Variants in SCARB2 observed in about 807,000 individuals in gnomAD.
The protein encoded by SCARB2 is scavenger receptor class B member 2, also known as lysosome membrane protein 2.
Under a neutral mutation model 58.6 loss-of-function variants are expected in SCARB2, and 29 were observed. The observed-to-expected ratio is 0.49, with a 90% CI of 0.37 to 0.67. SCARB2 has a LOEUF of 0.67. Among genes scored for constraint, SCARB2 ranks in the 30% least tolerant of loss-of-function variants. The pLI is 0.00. For synonymous variants in SCARB2, 195 were observed against 210.1 expected (o/e 0.93, Z 0.62); for missense variants, 488 against 578.5 (o/e 0.84, Z 1.60).
At chr4:76,177,087 A>C (rs984127403) in intron 4 of SCARB2, 2 of 152,322 alleles carry the variant, frequency 1.3e-5, no homozygotes, top group African/African-American at 4.8e-5. Flanking sequence ...TAACTGCTAC[A>C]CAAGACTGAA....
At chr4:76,176,606 T>A in intron 4 of SCARB2, 78 bp from the exon 5 acceptor site, 1 of 974,542 alleles carries the variant, frequency 1.0e-6, no homozygotes, top group Non-Finnish European at 1.6e-6. Context: ...GGTGCCCAGT[T>A]GTTTGGTCAA....
chr4:76,213,563 C>T lies in SCARB2; in HGVS notation c.-20G>A. 3 of 1,581,882 alleles carry T rather than the reference C, an allele frequency of 1.9e-6. No homozygotes were observed. Among genetic ancestry groups the T allele is most frequent in the Non-Finnish European group, 2.6e-6 (3 of 1,159,732 alleles). On this transcript the variant is annotated 5_prime_UTR_variant, in exon 1 of 12. Transcript: ENST00000264896. Reference sequence around the variant, plus strand: ...GCCCATTCTGTGCGCCGCTCACGGGCCGGGCCGGGCCGCACCCGCCAGGGA... The same window carrying T: ...GCCCATTCTGTGCGCCGCTCACGGGTCGGGCCGGGCCGCACCCGCCAGGGA...
At chr4:76,200,886 G>T (rs1732815743) in intron 1 of SCARB2, among the ~76,000 whole-genome samples, 1 of 152,126 alleles carries the variant, frequency 6.6e-6, no homozygotes, top group African/African-American at 2.4e-5. Flanking sequence ...TGACAATACT[G>T]TATGTAGGCT....
upstream of SCARB2, among the ~76,000 whole-genome samples, chr4:76,216,635 A>G (rs2109977060): frequency 1.3e-5 from 2 of 152,336 alleles, no homozygotes; most frequent in South Asian, 2.1e-4. Flanking sequence ...TTTCTAAACA[A>G]GGGTTTACAG....
At chr4:76,164,175 A>G (rs1208508141) in intron 10 of SCARB2, 1 of 152,264 alleles carries the variant, frequency 6.6e-6, no homozygotes, top group Non-Finnish European at 1.5e-5. Flanking sequence ...TTAATTCCAT[A>G]GAAATAATGA....
chr4:76,206,440 A>G (rs182060563), intron 1 of SCARB2, among the ~76,000 whole-genome samples: 130 of 152,248 alleles, frequency 8.5e-4, no homozygotes, highest in Admixed American at 3.7e-3. Context: ...AATCTGGACC[A>G]ATACGTGAAG....
chr4:76,164,972 A>G (rs1318868461), intron 10 of SCARB2: 1 of 152,024 alleles, frequency 6.6e-6, no homozygotes, highest in Admixed American at 6.5e-5. Context: ...TTTCTAGAGA[A>G]GAGAATAATC....
At chr4:76,164,391 G>C (rs1731958677) in intron 10 of SCARB2, 1 of 152,304 alleles carries the variant, frequency 6.6e-6, no homozygotes, top group African/African-American at 2.4e-5. Flanking sequence ...GCTCATGACT[G>C]TAATCCCAGC....
rs1731888039 is a variant in SCARB2 at position 76,161,069 on chromosome 4, G to A, written c.*644C>T. On this transcript the variant is annotated 3_prime_UTR_variant, in exon 12 of 12. Transcript: ENST00000264896. ...TAGGAGCTTATCACTATCAACTCATGGGTATTGCCCCACCCAACCCCTTTC... is the reference window on the plus strand; with the variant it reads ...TAGGAGCTTATCACTATCAACTCATAGGTATTGCCCCACCCAACCCCTTTC... The A allele has an allele frequency of 6.5e-6, 1 of 154,192 alleles. No homozygotes were observed. The allele number at this position is 154,192 out of a possible 1,614,324, so 9.6% of individuals were successfully genotyped here. A position where few individuals can be genotyped will look rare whatever the true frequency, so the allele number is the denominator to read the frequency against.
intron 2 of SCARB2, chr4:76,194,372 C>G (rs1732666273): frequency 6.6e-6 from 1 of 151,182 alleles, no homozygotes; most frequent in Non-Finnish European, 1.5e-5. Context: ...TTATACATGA[C>G]TCATTGACTC....
At chr4:76,230,050 T>G (rs4859635) in intron 1 of SCARB2, among the ~76,000 whole-genome samples, 1 of 151,948 alleles carries the variant, frequency 6.6e-6, no homozygotes, top group Non-Finnish European at 1.5e-5. Context: ...GGCCAGGATA[T>G]GTATTTGGGT....
At chr4:76,162,872 GA>G in intron 11 of SCARB2, 1 of 461,096 alleles carries the variant, frequency 2.2e-6, no homozygotes, top group South Asian at 2.6e-5. Context: ...GCAGAACTGG[GA>G]TTTGAACTCA....
intron 1 of SCARB2, among the ~76,000 whole-genome samples, chr4:76,196,628 A>C (rs534116910): frequency 2.0e-5 from 3 of 152,316 alleles, no homozygotes; most frequent in Admixed American, 1.3e-4. Flanking sequence ...TCCTTTTTCA[A>C]GTCAAACCAC....
chr4:76,216,228 A>G (rs1233132503), upstream of SCARB2, among the ~76,000 whole-genome samples: 1 of 152,162 alleles, frequency 6.6e-6, no homozygotes, highest in African/African-American at 2.4e-5. Flanking sequence ...TTAAGGAGCA[A>G]TGCTAGCCCA....
chr4:76,191,663 CTTT>C (rs1006230612), intron 2 of SCARB2, among the ~76,000 whole-genome samples: 1 of 152,112 alleles, frequency 6.6e-6, no homozygotes, highest in Non-Finnish European at 1.5e-5. Context: ...AATTAAACCT[CTTT>C]TTTAAGTAAA....
At chr4:76,166,325 G>C in intron 9 of SCARB2, 24 bp from the exon 10 acceptor site, 2 of 1,612,484 alleles carry the variant, frequency 1.2e-6, no homozygotes, top group South Asian at 2.2e-5. Context: ...GGATGAGATT[G>C]TTTCAGAAAC....
At chr4:76,184,446 A>G (rs1732445586) in intron 2 of SCARB2, among the ~76,000 whole-genome samples, 1 of 152,202 alleles carries the variant, frequency 6.6e-6, no homozygotes, top group Non-Finnish European at 1.5e-5. Flanking sequence ...TTTGCAGTGG[A>G]CTTTTCATTT....
chr4:76,167,815 G>A (rs1732044892), intron 9 of SCARB2, among the ~76,000 whole-genome samples: 2 of 151,712 alleles, frequency 1.3e-5, no homozygotes, highest in Admixed American at 1.3e-4. Context: ...CCGAATAGCT[G>A]GGATTATAGG....
chr4:76,182,370 T>G (rs951841435), intron 2 of SCARB2, among the ~76,000 whole-genome samples: 2 of 152,234 alleles, frequency 1.3e-5, no homozygotes, highest in East Asian at 3.8e-4. Context: ...TTTTTTATAT[T>G]GATTATATAT....
Sources: allele counts gnomAD v4.1 joint callset (sites outside exome capture counted in the v4.1 genomes callset), GRCh38; gene constraint gnomAD v4.1.1; transcripts MANE v1.5; gene names NCBI Gene and HGNC (gene_info 2026-07-23, HGNC 2026-07-21).